The following DCC variants were observed in gnomAD, a reference collection of about 807,000 sequenced individuals.
DCC encodes the protein DCC netrin 1 receptor.
In DCC, 58 loss-of-function variants were observed where a neutral mutation model predicts 172.5. That is an observed-to-expected ratio of 0.34 (90% CI 0.27 to 0.42). The LOEUF is 0.42. DCC is among the 10% of genes least tolerant of loss of function. The pLI is 1.00. For missense variants in DCC, 1,740 were observed against 1,791.0 expected, an observed-to-expected ratio of 0.97 and a Z score of 0.51; for synonymous variants, 709 against 644.5, an observed-to-expected ratio of 1.10 and a Z score of -1.52.
intron 1 of DCC, among the ~76,000 whole-genome samples, chr18:52,675,813 C>A (rs2035637750): frequency 6.6e-6 from 1 of 152,176 alleles, no homozygotes; most frequent in South Asian, 2.1e-4. Context: ...ACACAATTAG[C>A]AAATTCTGTG....
intron 1 of DCC, among the ~76,000 whole-genome samples, chr18:52,731,129 G>C (rs1342792892): frequency 6.6e-6 from 1 of 152,190 alleles, no homozygotes; most frequent in African/African-American, 2.4e-5. Flanking sequence ...ATAAGGCCAG[G>C]CAGCGTTTTT....
chr18:52,773,789 A>G (rs967238297), intron 2 of DCC, among the ~76,000 whole-genome samples: 1 of 152,146 alleles, frequency 6.6e-6, no homozygotes, highest in African/African-American at 2.4e-5. Context: ...TCAGCCTCCT[A>G]AAGTGCTGGG....
At chr18:53,177,337 AAAG>A (rs1157723223) in intron 8 of DCC, among the ~76,000 whole-genome samples, 1 of 152,178 alleles carries the variant, frequency 6.6e-6, no homozygotes, top group Non-Finnish European at 1.5e-5. Flanking sequence ...TAATAAAAAA[AAAG>A]AAAAAAATTA....
chr18:53,186,349 G>T (rs1346906794), intron 9 of DCC, among the ~76,000 whole-genome samples: 1 of 152,154 alleles, frequency 6.6e-6, no homozygotes, highest in Non-Finnish European at 1.5e-5. Flanking sequence ...CGCCTAGTTT[G>T]GTTATATGCC....
At chr18:53,195,546 TC>T (rs1392402407) in intron 9 of DCC, among the ~76,000 whole-genome samples, 2 of 152,174 alleles carry the variant, frequency 1.3e-5, no homozygotes, top group African/African-American at 2.4e-5. Context: ...TTGGAATTAT[TC>T]TCATTGTTTT....
In DCC at chr18:52,609,715, C is replaced by T. The variant is rs538299860; in HGVS notation, c.92-142339C>T. 1.6e-4 allele frequency among the ~76,000 whole-genome samples: 24 copies of T among 149,248 alleles called. No homozygotes were observed. In the East Asian group the frequency reaches 2.4e-3, roughly 15 times the overall value. On this transcript the variant is annotated intron_variant, in intron 1 of 28. Coordinates refer to ENST00000442544, the MANE Select transcript of DCC (RefSeq NM_005215.4). ...ATTCTGATTACTTCTTATATCTGGACGGGGACCTGAAAAAAAAAAATCTTT... is the reference window on the plus strand; with the variant it reads ...ATTCTGATTACTTCTTATATCTGGATGGGGACCTGAAAAAAAAAAATCTTT...
intron 1 of DCC, among the ~76,000 whole-genome samples, chr18:52,526,986 C>T (rs1408436733): frequency 6.6e-6 from 1 of 152,160 alleles, no homozygotes; most frequent in African/African-American, 2.4e-5. Flanking sequence ...AGTCACACGC[C>T]AATGCTTTCT....
At chr18:52,503,575 G>A (rs897376529) in intron 1 of DCC, among the ~76,000 whole-genome samples, 2 of 152,096 alleles carry the variant, frequency 1.3e-5, no homozygotes, top group African/African-American at 4.8e-5. Context: ...CCGTAGTTCT[G>A]GTGACAGAAT....
intron 15 of DCC, among the ~76,000 whole-genome samples, chr18:53,345,058 C>A (rs1393329978): frequency 6.6e-6 from 1 of 151,802 alleles, no homozygotes; most frequent in Non-Finnish European, 1.5e-5. Context: ...AAAGACAATA[C>A]ATACACAAAT....
At chr18:53,494,924 T>C (rs2144410799) in intron 26 of DCC, among the ~76,000 whole-genome samples, 1 of 152,350 alleles carries the variant, frequency 6.6e-6, no homozygotes, top group Non-Finnish European at 1.5e-5. Context: ...TGGTATGTTT[T>C]TGCAGTGGCT....
At chr18:53,032,976 A>G (rs1442477490) in intron 5 of DCC, among the ~76,000 whole-genome samples, 2 of 151,942 alleles carry the variant, frequency 1.3e-5, no homozygotes, top group Admixed American at 6.6e-5. Context: ...TCACATAAAG[A>G]CTCTTAATGA....
chr18:53,180,948 C>T (rs2055187374), intron 9 of DCC, among the ~76,000 whole-genome samples: 2 of 152,094 alleles, frequency 1.3e-5, no homozygotes, highest in Non-Finnish European at 2.9e-5. Context: ...TTGACTTTCT[C>T]TTCATAGATC....
chr18:52,889,827 A>T (rs1024724498), intron 2 of DCC, among the ~76,000 whole-genome samples: 3 of 152,168 alleles, frequency 2.0e-5, no homozygotes, highest in African/African-American at 7.2e-5. Context: ...AGATGAAGTC[A>T]TTCAATTGAA....
intron 1 of DCC, among the ~76,000 whole-genome samples, chr18:52,531,061 CAGTATCTTT>C (rs1468890601): frequency 3.3e-5 from 5 of 152,188 alleles, no homozygotes; most frequent in African/African-American, 1.2e-4. Flanking sequence ...CTGTTAATTT[CAGTATCTTT>C]GGGGTACCCT....
At chr18:52,368,661 A>G (rs538949594) in intron 1 of DCC, among the ~76,000 whole-genome samples, 56 of 152,248 alleles carry the variant, frequency 3.7e-4, no homozygotes, top group African/African-American at 1.3e-3. Context: ...CTGGGTTCTT[A>G]AGAATTAGAC....
intron 2 of DCC, among the ~76,000 whole-genome samples, chr18:52,893,019 A>T (rs980819902): frequency 5.3e-5 from 8 of 152,130 alleles, no homozygotes; most frequent in Admixed American, 1.3e-4. Context: ...AAGAGGAAAA[A>T]ATTGACTCCT....
At chr18:52,695,127 C>T (rs886545167) in intron 1 of DCC, among the ~76,000 whole-genome samples, 2 of 152,108 alleles carry the variant, frequency 1.3e-5, no homozygotes, top group African/African-American at 4.8e-5. Context: ...CTTTTCTTGC[C>T]TCTCATTCTC....
At chr18:53,307,618 A>T (rs1190505507) in intron 13 of DCC, among the ~76,000 whole-genome samples, 1 of 151,856 alleles carries the variant, frequency 6.6e-6, no homozygotes, top group Admixed American at 6.6e-5. Flanking sequence ...ATAATTAACT[A>T]AAGGATTAAT....
intron 2 of DCC, among the ~76,000 whole-genome samples, chr18:52,881,867 T>C (rs2145405869): frequency 6.6e-6 from 1 of 152,280 alleles, no homozygotes; most frequent in South Asian, 2.1e-4. Flanking sequence ...AGGGATTACA[T>C]TGAATCTTTA....
Sources: gnomAD v4.1 joint callset for allele counts (sites outside exome capture counted in the v4.1 genomes callset) on GRCh38, gnomAD v4.1.1 for gene constraint, MANE v1.5 for transcripts, NCBI Gene and HGNC (gene_info 2026-07-23, HGNC 2026-07-21) for gene names.